RGS6: variants seen among roughly 807,000 people sequenced by gnomAD.
RGS6 encodes regulator of G-protein signaling 6.
In RGS6, 30 loss-of-function variants were observed where a neutral mutation model predicts 78.5. The ratio of observed to expected loss-of-function variants is 0.38; its 90% CI spans 0.29 to 0.52. RGS6 has a LOEUF of 0.52. Ranked by LOEUF, RGS6 falls within the 20% of genes least tolerant of loss-of-function variation. RGS6 has a pLI of 0.85. For synonymous variants in RGS6, 206 were observed against 206.0 expected, an observed-to-expected ratio of 1.00 and a Z score of 0.00; for missense variants, 495 against 609.7, an observed-to-expected ratio of 0.81 and a Z score of 1.98.
At chr14:72,178,547 G>A in intron 2 of RGS6, among the ~76,000 whole-genome samples, 1 of 152,216 alleles carries the variant, frequency 6.6e-6, no homozygotes, top group East Asian at 1.9e-4. Context: ...AATTATACTT[G>A]TGATGAAGTC....
intron 3 of RGS6, among the ~76,000 whole-genome samples, chr14:72,408,612 A>G (rs1009208897): frequency 2.0e-5 from 3 of 152,184 alleles, no homozygotes; most frequent in African/African-American, 7.2e-5. Flanking sequence ...TTCACAGTTG[A>G]ATGACTTTTT....
intron 15 of RGS6, among the ~76,000 whole-genome samples, chr14:72,535,790 A>G (rs1167214491): frequency 6.6e-6 from 1 of 152,224 alleles, no homozygotes; most frequent in South Asian, 2.1e-4. Context: ...AAATGAAATA[A>G]TATAGTTTAT....
intron 3 of RGS6, among the ~76,000 whole-genome samples, chr14:72,411,067 C>T (rs1430868675): frequency 6.6e-6 from 1 of 152,244 alleles, no homozygotes; most frequent in South Asian, 2.1e-4. Flanking sequence ...TTTTTGGTTC[C>T]ATATGAACTT....
At chr14:72,552,295 C>T (rs2097519222) in intron 17 of RGS6, among the ~76,000 whole-genome samples, 1 of 152,204 alleles carries the variant, frequency 6.6e-6, no homozygotes, top group South Asian at 2.1e-4. Context: ...TGGTGCCCAG[C>T]AGGCCAGCTT....
At chr14:72,326,985 G>A (rs1339346301) in intron 2 of RGS6, among the ~76,000 whole-genome samples, 1 of 152,216 alleles carries the variant, frequency 6.6e-6, no homozygotes, top group East Asian at 1.9e-4. Context: ...GGGATTACAG[G>A]TGTGAGCCGT....
intron 2 of RGS6, among the ~76,000 whole-genome samples, chr14:72,111,468 C>A (rs1182236432): frequency 2.0e-5 from 3 of 152,118 alleles, no homozygotes; most frequent in African/African-American, 7.2e-5. Context: ...TTTCCACTTA[C>A]AAATTACACA....
the RGS6 span, among the ~76,000 whole-genome samples, chr14:72,590,652 A>T: frequency 6.6e-6 from 1 of 152,268 alleles, no homozygotes; most frequent in African/African-American, 2.4e-5. Flanking sequence ...AAGATTAAAA[A>T]GATAAACGCT....
chr14:72,053,079 C>CCTTCCTTCCTTCCTTCCTT (rs2093415407), intron 2 of RGS6, among the ~76,000 whole-genome samples: 6 of 17,014 alleles, frequency 3.5e-4, no homozygotes, highest in African/African-American at 1.0e-3. Flanking sequence ...CTCCCTCCCT[C>CCTTCCTTCCTTCCTTCCTT]CCTTCCTTCC....
At chr14:72,079,205 C>A (rs561995030) in intron 2 of RGS6, among the ~76,000 whole-genome samples, 5 of 151,552 alleles carry the variant, frequency 3.3e-5, no homozygotes, top group African/African-American at 1.2e-4. Context: ...CTTGAAAATT[C>A]TGGAGCTTTT....
intron 2 of RGS6, among the ~76,000 whole-genome samples, chr14:72,254,065 G>A (rs923937697): frequency 3.9e-5 from 6 of 152,174 alleles, no homozygotes; most frequent in Admixed American, 2.6e-4. Flanking sequence ...AAGTGTGGGG[G>A]AGGATTGTTC....
downstream of RGS6, among the ~76,000 whole-genome samples, chr14:72,568,937 C>T (rs1354962663): frequency 1.3e-5 from 2 of 152,208 alleles, no homozygotes; most frequent in African/African-American, 4.8e-5. Flanking sequence ...CTCTTTCTCC[C>T]ATTACATCAC....
intron 3 of RGS6, among the ~76,000 whole-genome samples, chr14:72,369,677 C>G (rs1385103404): frequency 6.6e-6 from 1 of 152,072 alleles, no homozygotes; most frequent in Non-Finnish European, 1.5e-5. Context: ...ATTATACTAA[C>G]ATGAACTTAT....
At chr14:72,324,404 C>T (rs929588145) in intron 2 of RGS6, among the ~76,000 whole-genome samples, 4 of 151,862 alleles carry the variant, frequency 2.6e-5, no homozygotes, top group Admixed American at 6.6e-5. Flanking sequence ...ATGTGCACAA[C>T]GTGCATGTTT....
rs140740752 is a variant in RGS6 at position 71,984,389 on chromosome 14, A to C, written c.84+19514A>C. ...GCTGGGTGTGGTGGCTTGCATCTGT[A>C]GTCCTAGCTACTGAGGAGGCTGAGA... On this transcript the variant is annotated intron_variant, in intron 2 of 17. Transcript: ENST00000553525. Among the ~76,000 whole-genome samples the C allele has an allele frequency of 2.0e-5, 3 of 149,494 alleles. No homozygotes were observed. In the East Asian group the frequency reaches 6.0e-4, roughly 30 times the overall value.
At chr14:72,278,534 T>G (rs949914691) in intron 2 of RGS6, among the ~76,000 whole-genome samples, 6 of 152,192 alleles carry the variant, frequency 3.9e-5, no homozygotes, top group Non-Finnish European at 1.5e-5. Context: ...TGTTGCATGA[T>G]TTGATGCCTG....
At chr14:72,049,604 G>A (rs1281936452) in intron 2 of RGS6, among the ~76,000 whole-genome samples, 1 of 152,194 alleles carries the variant, frequency 6.6e-6, no homozygotes, top group East Asian at 1.9e-4. Flanking sequence ...GTGTGGACAT[G>A]TCACTGCCAA....
At chr14:72,299,183 C>T (rs2065533821) in intron 2 of RGS6, among the ~76,000 whole-genome samples, 1 of 152,042 alleles carries the variant, frequency 6.6e-6, no homozygotes, top group Non-Finnish European at 1.5e-5. Flanking sequence ...GTATACAATC[C>T]AGTGTTTTTA....
At chr14:72,596,188 GGAAAATCCAC>G in the RGS6 span, among the ~76,000 whole-genome samples, 1 of 152,106 alleles carries the variant, frequency 6.6e-6, no homozygotes, top group Admixed American at 6.5e-5. Flanking sequence ...CAGGCTCTAG[GGAAAATCCAC>G]TTTCTTGCCT....
At chr14:72,150,878 G>T (rs549742021) in intron 2 of RGS6, among the ~76,000 whole-genome samples, 1 of 152,140 alleles carries the variant, frequency 6.6e-6, no homozygotes, top group Admixed American at 6.6e-5. Flanking sequence ...TCCATGTCAC[G>T]TGGAAAATAT....
Sources: allele counts gnomAD v4.1 joint callset (sites outside exome capture counted in the v4.1 genomes callset), GRCh38; gene constraint gnomAD v4.1.1; transcripts MANE v1.5; gene names NCBI Gene and HGNC (gene_info 2026-07-23, HGNC 2026-07-21).